The following EXT1 variants were observed in gnomAD, a reference collection of about 807,000 sequenced individuals.
The protein encoded by EXT1 is exostosin-1.
A neutral mutation model predicts 82.5 loss-of-function variants in EXT1; 20 were observed. The observed-to-expected ratio is 0.24, with a 90% CI of 0.17 to 0.35. The LOEUF (loss-of-function observed/expected upper bound fraction) is 0.35, where lower values mean the gene tolerates loss of function less well. Ranked by LOEUF, EXT1 falls within the 10% of genes least tolerant of loss-of-function variation. The pLI is 1.00. For synonymous variants in EXT1, 348 were observed against 350.8 expected (o/e 0.99, Z 0.09); for missense variants, 757 against 936.5 (o/e 0.81, Z 2.50).
intron 8 of EXT1, among the ~76,000 whole-genome samples, chr8:117,812,554 C>G (rs889760717): frequency 6.6e-6 from 1 of 152,170 alleles, no homozygotes; most frequent in Non-Finnish European, 1.5e-5. Flanking sequence ...CCCCCTTCCC[C>G]TCAGTTCTGC....
intron 1 of EXT1, among the ~76,000 whole-genome samples, chr8:117,976,501 T>C (rs1036181513): frequency 6.6e-6 from 1 of 152,188 alleles, no homozygotes; most frequent in Non-Finnish European, 1.5e-5. Context: ...AATGGCAAGT[T>C]ACAGAAGTTA....
chr8:118,022,511 T>C (rs1234592072), intron 1 of EXT1, among the ~76,000 whole-genome samples: 1 of 151,374 alleles, frequency 6.6e-6, no homozygotes, highest in Non-Finnish European at 1.5e-5. Flanking sequence ...CTAATTTTTG[T>C]ATTTTTAGTA....
intron 1 of EXT1, among the ~76,000 whole-genome samples, chr8:117,979,267 T>C (rs993754560): frequency 1.3e-5 from 2 of 151,762 alleles, no homozygotes; most frequent in Non-Finnish European, 2.9e-5. Flanking sequence ...GGCAGAAGAA[T>C]TGCTTGAACC....
intron 1 of EXT1, among the ~76,000 whole-genome samples, chr8:117,923,484 A>G (rs543614541): frequency 5.9e-5 from 9 of 151,902 alleles, no homozygotes; most frequent in Admixed American, 3.3e-4. Flanking sequence ...TTGGGAGGCC[A>G]AGGCGGGCAG....
At chr8:117,862,375 C>A (rs1812700575) in intron 1 of EXT1, among the ~76,000 whole-genome samples, 1 of 145,916 alleles carries the variant, frequency 6.9e-6, no homozygotes, top group Non-Finnish European at 1.5e-5. Context: ...TGCACCTCAT[C>A]TCTAAAAGAA....
At chr8:117,924,875 C>T (rs968477485) in intron 1 of EXT1, among the ~76,000 whole-genome samples, 4 of 152,164 alleles carry the variant, frequency 2.6e-5, no homozygotes, top group African/African-American at 9.7e-5. Context: ...GAAATGTATA[C>T]ATGAATGATA....
At chr8:117,807,816 C>T (rs1823261401) in intron 8 of EXT1, among the ~76,000 whole-genome samples, 1 of 151,772 alleles carries the variant, frequency 6.6e-6, no homozygotes, top group South Asian at 2.1e-4. Flanking sequence ...TATATCAAAG[C>T]CAAAGTGCCT....
chr8:117,883,567 C>T lies in EXT1; in HGVS notation c.963-46366G>A, dbSNP rs374620327. ...TCCTTGAGTCCACTCAGTCTCTCTC[C>T]TAAAGGCACATCTGTTGACAACTCT... is the stretch of plus-strand genomic sequence containing the variant. On this transcript the variant is annotated intron_variant, in intron 1 of 10. Coordinates refer to ENST00000378204, the MANE Select transcript of EXT1 (RefSeq NM_000127.3). Among the ~76,000 whole-genome samples the T allele has an allele frequency of 5.6e-4, 86 of 152,360 alleles. 2 individuals carry two copies. In the South Asian group the frequency reaches 0.013, roughly 23 times the overall value.
intron 1 of EXT1, among the ~76,000 whole-genome samples, chr8:117,845,501 C>G (rs1040489701): frequency 6.6e-6 from 1 of 151,882 alleles, no homozygotes; most frequent in Non-Finnish European, 1.5e-5. Context: ...AAAAGATGAC[C>G]ATCTGAATTC....
Position 117,812,881 on chromosome 8 carries a change from T to C in EXT1, c.1713A>G (p.Ser571=). The C allele has an allele frequency of 6.2e-7, 1 of 1,614,000 alleles. No individual in the cohort carries two copies. ...VLSLDEDTVL[S]TTEVDFAFTV... ...AGGCATGGGTTCTTACCTCTGTTGT[T>C]GAAAGCACCGTGTCCTCGTCAAGGC... is the stretch of plus-strand genomic sequence containing the variant. The change falls in exon 8 of 11, where the codon TCA becomes TCG. Residue 571 remains serine (S), a synonymous_variant. Coordinates refer to ENST00000378204, the MANE Select transcript of EXT1 (RefSeq NM_000127.3).
chr8:118,058,000 A>G (rs1001266715), intron 1 of EXT1, among the ~76,000 whole-genome samples: 7 of 150,952 alleles, frequency 4.6e-5, no homozygotes, highest in Non-Finnish European at 8.9e-5. Context: ...AAAGGAAAAG[A>G]AAAAAAAATC....
At chr8:117,842,212 A>G (rs1412166317) in intron 1 of EXT1, among the ~76,000 whole-genome samples, 1 of 152,258 alleles carries the variant, frequency 6.6e-6, no homozygotes, top group Non-Finnish European at 1.5e-5. Context: ...TTTTCAATTT[A>G]TAAACTGAGT....
At chr8:118,030,386 A>G (rs1307317929) in intron 1 of EXT1, among the ~76,000 whole-genome samples, 2 of 152,264 alleles carry the variant, frequency 1.3e-5, no homozygotes, top group African/African-American at 4.8e-5. Flanking sequence ...CCATATAAAT[A>G]GTAATTAAAC....
intron 1 of EXT1, among the ~76,000 whole-genome samples, chr8:117,967,397 C>T (rs535221772): frequency 6.6e-6 from 1 of 152,316 alleles, no homozygotes; most frequent in South Asian, 2.1e-4. Flanking sequence ...TAATGCTGCT[C>T]TTTCCTCAGA....
intron 1 of EXT1, among the ~76,000 whole-genome samples, chr8:117,964,782 C>T (rs1034643539): frequency 1.3e-5 from 2 of 152,050 alleles, no homozygotes; most frequent in African/African-American, 2.4e-5. Flanking sequence ...GGATTACAGG[C>T]GTGTGCCACC....
At chr8:117,819,863 T>C in intron 5 of EXT1, 69 bp from the exon 6 acceptor site, 1 of 1,404,600 alleles carries the variant, frequency 7.1e-7, no homozygotes, top group Non-Finnish European at 1.0e-6. Flanking sequence ...TACTCCTCCT[T>C]GCTCCGCTGC....
intron 1 of EXT1, among the ~76,000 whole-genome samples, chr8:117,964,385 CATG>C (rs1814763027): frequency 6.6e-6 from 1 of 152,294 alleles, no homozygotes; most frequent in African/African-American, 2.4e-5. Context: ...TGTGTGTAAG[CATG>C]ATATTTGTTG....
At chr8:117,869,295 A>C (rs1273276169) in intron 1 of EXT1, among the ~76,000 whole-genome samples, 1 of 152,202 alleles carries the variant, frequency 6.6e-6, no homozygotes, top group Non-Finnish European at 1.5e-5. Flanking sequence ...GGTGAAGCTC[A>C]ATCTTGCCCA....
chr8:118,052,988 C>T (rs1326171535), intron 1 of EXT1, among the ~76,000 whole-genome samples: 1 of 152,182 alleles, frequency 6.6e-6, no homozygotes, highest in African/African-American at 2.4e-5. Flanking sequence ...CCGGCTGCCA[C>T]TCATGACCTT....
Sources: gnomAD v4.1 joint callset for allele counts (sites outside exome capture counted in the v4.1 genomes callset) on GRCh38, gnomAD v4.1.1 for gene constraint, MANE v1.5 for transcripts, NCBI Gene and HGNC (gene_info 2026-07-23, HGNC 2026-07-21) for gene names.